KCNQ1: variants seen among roughly 807,000 people sequenced by gnomAD.
KCNQ1 encodes potassium voltage-gated channel subfamily KQT member 1.
In KCNQ1, 49 loss-of-function variants were observed where a neutral mutation model predicts 72.4. The ratio of observed to expected loss-of-function variants is 0.68; its 90% CI spans 0.54 to 0.86. KCNQ1 has a LOEUF of 0.86. KCNQ1 is among the 40% of genes least tolerant of loss of function. The pLI is 0.00. For synonymous variants in KCNQ1, 450 were observed against 412.6 expected, an observed-to-expected ratio of 1.09 and a Z score of -1.10; for missense variants, 790 against 945.1, an observed-to-expected ratio of 0.84 and a Z score of 2.15.
intron 15 of KCNQ1, among the ~76,000 whole-genome samples, chr11:2,823,429 C>T (rs993417595): frequency 3.3e-5 from 5 of 152,210 alleles, no homozygotes; most frequent in Non-Finnish European, 5.9e-5. Context: ...CTTTCTATCC[C>T]TTTTCTTAGA....
chr11:2,824,642 G>A lies in KCNQ1; in HGVS notation c.1795-23125G>A, dbSNP rs1298641068. On this transcript the variant is annotated intron_variant, in intron 15 of 15. Coordinates refer to ENST00000155840, the MANE Select transcript of KCNQ1 (RefSeq NM_000218.3). The surrounding 1 kb of genome is among the most constrained non-coding windows in gnomAD (Gnocchi z 5.9). Reference sequence around the variant, plus strand: ...GGCAAGAGATTGCAGGGAGAGGAGAGAGTGAGAATGGGGCCACTCAAGGGG... The same window carrying A: ...GGCAAGAGATTGCAGGGAGAGGAGAAAGTGAGAATGGGGCCACTCAAGGGG... 6.6e-6 allele frequency among the ~76,000 whole-genome samples: 1 copy of A among 152,112 alleles called. No individual in the cohort carries two copies. Among genetic ancestry groups the A allele is most frequent in the Non-Finnish European group, 1.5e-5 (1 of 68,010 alleles).
intron 11 of KCNQ1, chr11:2,696,510 T>G (rs1850679475): frequency 7.5e-6 from 3 of 398,576 alleles, no homozygotes; most frequent in African/African-American, 6.2e-5. Context: ...AGAAGTCCTC[T>G]GCTCTCCTTT....
rs546017135 is a variant in KCNQ1 at position 2,643,416 on chromosome 11, G to A, written c.1394-18545G>A. The A allele has an allele frequency of 2.3e-4, 93 of 398,290 alleles. No individual in the cohort carries two copies. Among genetic ancestry groups the A allele is most frequent in the South Asian group, 1.0e-3 (8 of 7,848 alleles). 24.7% of individuals were successfully genotyped at this position (398,290 alleles called of 1,614,324 possible). A position where few individuals can be genotyped will look rare whatever the true frequency, so the allele number is the denominator to read the frequency against. ...CCCTCTGTCACTATATAATGACTTC[G>A]TCTCTTTTTAGTGTTTTTAGCTTAA... is the stretch of plus-strand genomic sequence containing the variant. On this transcript the variant is annotated intron_variant, in intron 10 of 15. Transcript: ENST00000155840.
At chr11:2,629,457 T>C (rs1849316732) in intron 10 of KCNQ1, 1 of 398,376 alleles carries the variant, frequency 2.5e-6, no homozygotes, top group Non-Finnish European at 4.4e-6. Flanking sequence ...AGTTTTATAG[T>C]TTTAGGTCTT....
At chr11:2,648,985 T>TTTTTTTTTTTTTG (rs1849713287) in intron 10 of KCNQ1, 1 of 158,326 alleles carries the variant, frequency 6.3e-6, no homozygotes, top group Non-Finnish European at 1.3e-5. Context: ...CTTTTTCTTT[T>TTTTTTTTTTTTTG]TTTTTTTTTT....
At chr11:2,631,519 C>T in intron 10 of KCNQ1, 1 of 398,456 alleles carries the variant, frequency 2.5e-6, no homozygotes, top group Non-Finnish European at 4.4e-6. Flanking sequence ...TGGTAGCACA[C>T]TGAACTTCCT....
At position 2,691,100 on chromosome 11, in the gene KCNQ1, A is replaced by T. The variant is rs1275735448; in HGVS notation, c.1514+29019A>T. ...TTCTAGATGCCTGCAGATTCCTGAC[A>T]ACAGTAGGGGTGGAGGCTGTGCAGA... On this transcript the variant is annotated intron_variant, in intron 11 of 15. Transcript: ENST00000155840. This position sits in a 1 kb window ranked among gnomAD's most constrained non-coding sequence, Gnocchi z 6.4. The T allele has an allele frequency of 5.0e-6, 2 of 398,540 alleles. No homozygotes were observed. The highest frequency in any genetic ancestry group is 7.1e-5 in the East Asian group (2 of 28,090). 24.7% of individuals were successfully genotyped at this position (398,540 alleles called of 1,614,324 possible).
rs556175362 is a variant in KCNQ1 at position 2,647,095 on chromosome 11, C to T, written c.1394-14866C>T. Reference sequence around the variant, plus strand: ...AAGAGAGAAGGTGTTTAGCTTTTCCCCAGGTGGCTGTGGGTTTGTCATATA... The same window carrying T: ...AAGAGAGAAGGTGTTTAGCTTTTCCTCAGGTGGCTGTGGGTTTGTCATATA... On this transcript the variant is annotated intron_variant, in intron 10 of 15. Transcript: ENST00000155840. The surrounding 1 kb of genome is among the most constrained non-coding windows in gnomAD (Gnocchi z 4.0). The T allele has an allele frequency of 1.4e-4, 55 of 398,444 alleles. No homozygotes were observed. Among genetic ancestry groups the T allele is most frequent in the Non-Finnish European group, 2.3e-4 (52 of 226,028 alleles). 24.7% of individuals were successfully genotyped at this position (398,444 alleles called of 1,614,324 possible). A position where few individuals can be genotyped will look rare whatever the true frequency, so the allele number is the denominator to read the frequency against.
chr11:2,776,870 TG>T, intron 13 of KCNQ1, 115 bp from the exon 14 acceptor site: 1 of 1,011,180 alleles, frequency 9.9e-7, no homozygotes, highest in Non-Finnish European at 1.5e-6. Flanking sequence ...GTCCCCAGAG[TG>T]GGTGGACAGT....
rs576867940 is a variant in KCNQ1 at position 2,508,267 on chromosome 11, A to T, written c.387-19661A>T. ...CAAGGGTCTTTGGGCTCCTGTGGGG[A>T]CCATACTGGCTTGTCTGACTTGCCG... On this transcript the variant is annotated intron_variant, in intron 1 of 15. Coordinates refer to ENST00000155840, the MANE Select transcript of KCNQ1 (RefSeq NM_000218.3). This position sits in a 1 kb window ranked among gnomAD's most constrained non-coding sequence, Gnocchi z 6.2. 2.6e-5 allele frequency among the ~76,000 whole-genome samples: 4 copies of T among 152,236 alleles called. No homozygotes were observed. In the South Asian group the frequency reaches 8.3e-4, roughly 32 times the overall value.
At position 2,711,924 on chromosome 11, in the gene KCNQ1, G is replaced by A. The variant is rs987555070; in HGVS notation, c.1514+49843G>A. On this transcript the variant is annotated intron_variant, in intron 11 of 15. Coordinates refer to ENST00000155840, the MANE Select transcript of KCNQ1 (RefSeq NM_000218.3). This position sits in a 1 kb window ranked among gnomAD's most constrained non-coding sequence, Gnocchi z 5.4. ...GCATGGCAGGTGGCAGGTGGCTGGG[G>A]CTGCTCACCTGCTCACCTGTGTCCA... 8.5e-5 allele frequency among the ~76,000 whole-genome samples: 13 copies of A among 152,128 alleles called. No individual in the cohort carries two copies. Among genetic ancestry groups the A allele is most frequent in the Admixed American group, 8.5e-4 (13 of 15,278 alleles).
chr11:2,575,512 G>A (rs1428651982), intron 6 of KCNQ1, among the ~76,000 whole-genome samples: 4 of 152,220 alleles, frequency 2.6e-5, no homozygotes, highest in Non-Finnish European at 4.4e-5. Flanking sequence ...CGCAAGAAGG[G>A]GCAGCAGCCC....
At chr11:2,681,633 A>ACCCC (rs1850399773) in intron 11 of KCNQ1, 1 of 42,068 alleles carries the variant, frequency 2.4e-5, no homozygotes, top group Non-Finnish European at 4.2e-5. Context: ...AACCTCCCCC[A>ACCCC]ACCTATCTCT....
chr11:2,791,989 A>G (rs1825921489), intron 15 of KCNQ1, among the ~76,000 whole-genome samples: 1 of 152,154 alleles, frequency 6.6e-6, no homozygotes, highest in Admixed American at 6.5e-5. Context: ...GCAGATGGAA[A>G]TTTTTGTGGA....
intron 1 of KCNQ1, among the ~76,000 whole-genome samples, chr11:2,472,005 CAT>C (rs948841732): frequency 6.1e-5 from 9 of 146,372 alleles, no homozygotes; most frequent in South Asian, 2.2e-4. Flanking sequence ...TGTGTGTGCA[CAT>C]GTGTATAGGT....
At chr11:2,649,071 T>C (rs1165400020) in intron 10 of KCNQ1, 1 of 397,492 alleles carries the variant, frequency 2.5e-6, no homozygotes. Context: ...AATATCTTTT[T>C]CTATCCATTC....
At chr11:2,523,753 T>TTTTG in intron 1 of KCNQ1, among the ~76,000 whole-genome samples, 1 of 143,494 alleles carries the variant, frequency 7.0e-6, no homozygotes, top group Non-Finnish European at 1.5e-5. Context: ...AGTTTACAGT[T>TTTTG]TTTTTTTTTT....
At position 2,457,556 on chromosome 11, in the gene KCNQ1, A is replaced by G. The variant is rs1307077320; in HGVS notation, c.386+12072A>G. Among the ~76,000 whole-genome samples the G allele has an allele frequency of 6.6e-6, 1 of 152,196 alleles. No homozygotes were observed. The highest frequency in any genetic ancestry group is 1.5e-5 in the Non-Finnish European group (1 of 68,032). ...CAAATACTGCGTGGTCTCATGGATT[A>G]TAAGTGAGGGCTAAACATCAAATCC... On this transcript the variant is annotated intron_variant, in intron 1 of 15. Transcript: ENST00000155840. This position sits in a 1 kb window ranked among gnomAD's most constrained non-coding sequence, Gnocchi z 5.0.
chr11:2,680,265 T>C, intron 11 of KCNQ1: 1 of 398,176 alleles, frequency 2.5e-6, no homozygotes, highest in Non-Finnish European at 4.4e-6. Flanking sequence ...CCCATTGGCA[T>C]TTGTTATTGA....
Sources: gnomAD v4.1 joint callset for allele counts (sites outside exome capture counted in the v4.1 genomes callset) on GRCh38, gnomAD v4.1.1 for gene constraint, Gnocchi (gnomAD v3.1) non-coding constraint, MANE v1.5 for transcripts, NCBI Gene and HGNC (gene_info 2026-07-23, HGNC 2026-07-21) for gene names.